The following ANXA4 variants were observed in gnomAD, a reference collection of about 807,000 sequenced individuals.
The protein encoded by ANXA4 is 35-beta calcimedin.
ANXA4 carries 39 observed loss-of-function variants against 49.8 expected under a neutral mutation model. The ratio of observed to expected loss-of-function variants is 0.78; its 90% CI spans 0.61 to 1.02. ANXA4 has a LOEUF of 1.02. ANXA4 is among the 50% of genes least tolerant of loss of function. ANXA4 has a pLI of 0.00. For missense variants in ANXA4, 360 were observed against 410.1 expected (o/e 0.88, Z 1.05); for synonymous variants, 134 against 152.5 (o/e 0.88, Z 0.89).
At chr2:69,801,994 C>A (rs186205973) in intron 3 of ANXA4, among the ~76,000 whole-genome samples, 4 of 152,284 alleles carry the variant, frequency 2.6e-5, no homozygotes, top group Admixed American at 2.6e-4. Flanking sequence ...TGGAGTGCAG[C>A]ACAGTTGGGT....
At chr2:69,794,576 T>TGTTATG (rs1553360016) in intron 3 of ANXA4, among the ~76,000 whole-genome samples, 1 of 150,730 alleles carries the variant, frequency 6.6e-6, no homozygotes, top group Non-Finnish European at 1.5e-5. Flanking sequence ...TGTTATGTTA[T>TGTTATG]TTTTGAGACG....
At chr2:69,740,211 T>G (rs1326179995), upstream of ANXA4, among the ~76,000 whole-genome samples, 9 of 152,162 alleles carry the variant, frequency 5.9e-5, no homozygotes, top group Admixed American at 5.9e-4. Flanking sequence ...TCTTTCTTTT[T>G]CTTTTTCTTT....
At chr2:69,765,991 T>G (rs1671478214) in intron 1 of ANXA4, among the ~76,000 whole-genome samples, 1 of 152,158 alleles carries the variant, frequency 6.6e-6, no homozygotes, top group Non-Finnish European at 1.5e-5. Flanking sequence ...ACTGCTAAAA[T>G]TTAGAAACAG....
intron 2 of ANXA4, among the ~76,000 whole-genome samples, chr2:69,705,543 A>G (rs751044924): frequency 5.9e-5 from 9 of 152,250 alleles, no homozygotes; most frequent in South Asian, 2.1e-4. Context: ...TTGTTCTACA[A>G]TTTGGAATTG....
intron 7 of ANXA4, 85 bp from the exon 8 acceptor site, chr2:69,812,568 T>C: frequency 8.5e-7 from 1 of 1,171,224 alleles, no homozygotes; most frequent in East Asian, 2.4e-5. Flanking sequence ...TTTGTCTCAT[T>C]ACTCTAGACC....
intron 2 of ANXA4, among the ~76,000 whole-genome samples, chr2:69,678,093 A>G (rs1677468763): frequency 6.6e-6 from 1 of 152,098 alleles, no homozygotes; most frequent in Non-Finnish European, 1.5e-5. Context: ...CCTTGTCGTG[A>G]TATTTGCTTT....
intron 2 of ANXA4, among the ~76,000 whole-genome samples, chr2:69,667,916 C>T (rs1677000045): frequency 6.6e-6 from 1 of 152,186 alleles, no homozygotes; most frequent in Admixed American, 6.5e-5. Context: ...TCTTTGCATT[C>T]CTCCATTGGG....
rs1678442973 is a variant in ANXA4, at chr2:69,704,985, A to G, written n.767-15789A>G. Reference sequence around the variant, plus strand: ...TACTGGTTAGGATTTCCAAAACATTATTAAAGTATAGTATCTTACTTTAAA... The same window carrying G: ...TACTGGTTAGGATTTCCAAAACATTGTTAAAGTATAGTATCTTACTTTAAA... On this transcript the variant is annotated intron_variant and non_coding_transcript_variant, in intron 2 of 3. Transcript: ENST00000418066. Among the ~76,000 whole-genome samples the G allele has an allele frequency of 5.9e-5, 9 of 152,140 alleles. No individual in the cohort carries two copies. In the South Asian group the frequency reaches 1.7e-3, roughly 28 times the overall value.
At chr2:69,654,304 A>G (rs1676357880) in intron 2 of ANXA4, among the ~76,000 whole-genome samples, 2 of 152,210 alleles carry the variant, frequency 1.3e-5, no homozygotes, top group African/African-American at 2.4e-5. Flanking sequence ...TGCCCTGGCC[A>G]GAACTTCCAA....
At chr2:69,822,565 C>T (rs562161003) in intron 12 of ANXA4, among the ~76,000 whole-genome samples, 48 of 152,034 alleles carry the variant, frequency 3.2e-4, no homozygotes, top group Middle Eastern at 6.8e-3. Flanking sequence ...ACATAAAAAG[C>T]AATGATATTC....
At chr2:69,648,321 T>A (rs987887197) in intron 1 of ANXA4, among the ~76,000 whole-genome samples, 3 of 152,198 alleles carry the variant, frequency 2.0e-5, no homozygotes, top group Non-Finnish European at 2.9e-5. Context: ...TTACACCATA[T>A]GGGCTTTCTA....
chr2:69,656,065 A>G (rs1676426591), intron 2 of ANXA4, among the ~76,000 whole-genome samples: 1 of 151,628 alleles, frequency 6.6e-6, no homozygotes, highest in African/African-American at 2.4e-5. Flanking sequence ...TAGAAGAAAT[A>G]CCTAATGTAG....
chr2:69,760,762 T>C (rs1019079643), intron 1 of ANXA4, among the ~76,000 whole-genome samples: 1 of 152,202 alleles, frequency 6.6e-6, no homozygotes, highest in East Asian at 1.9e-4. Flanking sequence ...TGACCATTCA[T>C]GTAAAGTGTT....
At chr2:69,754,352 A>G (rs1482323520) in intron 1 of ANXA4, among the ~76,000 whole-genome samples, 1 of 152,194 alleles carries the variant, frequency 6.6e-6, no homozygotes, top group Non-Finnish European at 1.5e-5. Flanking sequence ...TAGAATTATT[A>G]CTATAGAACC....
chr2:69,763,649 A>G (rs1671383478), intron 1 of ANXA4, among the ~76,000 whole-genome samples: 1 of 149,832 alleles, frequency 6.7e-6, no homozygotes, highest in Non-Finnish European at 1.5e-5. Context: ...TTCAGTGACC[A>G]CAGGACATAA....
intron 2 of ANXA4, among the ~76,000 whole-genome samples, chr2:69,712,566 C>T (rs748850191): frequency 2.6e-5 from 4 of 152,124 alleles, no homozygotes; most frequent in Non-Finnish European, 5.9e-5. Context: ...TGGGGAACTC[C>T]AGAAAGTTTC....
At chr2:69,776,913 A>C (rs935919871) in intron 1 of ANXA4, among the ~76,000 whole-genome samples, 10 of 152,172 alleles carry the variant, frequency 6.6e-5, no homozygotes, top group African/African-American at 2.2e-4. Flanking sequence ...TGCCAGTGTC[A>C]AGTCCAGCTT....
chr2:69,652,987 T>C (rs1447256251), intron 1 of ANXA4: 1 of 152,250 alleles, frequency 6.6e-6, no homozygotes, highest in African/African-American at 2.4e-5. Context: ...CTTAAGATCT[T>C]TCTCCCTTAG....
intron 1 of ANXA4, among the ~76,000 whole-genome samples, chr2:69,744,550 A>C (rs1282038817): frequency 5.3e-5 from 8 of 152,162 alleles, no homozygotes. Flanking sequence ...TTTCACTGCA[A>C]TTAGGGCTAC....
Sources: gnomAD v4.1 joint callset for allele counts (sites outside exome capture counted in the v4.1 genomes callset) on GRCh38, gnomAD v4.1.1 for gene constraint, MANE v1.5 for transcripts, NCBI Gene and HGNC (gene_info 2026-07-23, HGNC 2026-07-21) for gene names.